The following DPYD variants were observed in gnomAD, a reference collection of about 807,000 sequenced individuals.
The protein encoded by DPYD is dihydropyrimidine dehydrogenase, also known as dihydropyrimidine dehydrogenase [NADP(+)].
DPYD carries 109 observed loss-of-function variants against 116.2 expected under a neutral mutation model. That is an observed-to-expected ratio of 0.94 (90% CI 0.80 to 1.10). DPYD has a LOEUF of 1.10. Ranked by LOEUF, DPYD falls within the 50% of genes least tolerant of loss-of-function variation. DPYD has a pLI of 0.00. For synonymous variants in DPYD, 440 were observed against 432.0 expected (o/e 1.02, Z -0.23); for missense variants, 1,302 against 1,254.5 (o/e 1.04, Z -0.57).
chr1:97,907,296 G>A (rs772247291), intron 1 of DPYD, among the ~76,000 whole-genome samples: 12 of 151,948 alleles, frequency 7.9e-5, no homozygotes, highest in Non-Finnish European at 1.6e-4. Context: ...TATCTACCTG[G>A]TTCTTTTCCA....
intron 4 of DPYD, among the ~76,000 whole-genome samples, chr1:97,735,440 G>C (rs1453205083): frequency 6.6e-6 from 1 of 151,220 alleles, no homozygotes; most frequent in Non-Finnish European, 1.5e-5. Context: ...ACTTTGGGAG[G>C]CCAAAGCAGG....
chr1:97,125,409 AT>A (rs1246609826), intron 20 of DPYD, among the ~76,000 whole-genome samples: 1 of 152,144 alleles, frequency 6.6e-6, no homozygotes, highest in Non-Finnish European at 1.5e-5. Context: ...CTCATTTGTT[AT>A]AGAAAATTAA....
At position 97,474,018 on chromosome 1, in the gene DPYD, A is replaced by C. The variant is rs1225390290; in HGVS notation, c.1741-23795T>G. Among the ~76,000 whole-genome samples, 901 of 147,770 alleles carry C rather than the reference A, an allele frequency of 6.1e-3. 7 individuals carry two copies. The highest frequency in any genetic ancestry group is 0.021 in the African/African-American group (866 of 40,472). On this transcript the variant is annotated intron_variant, in intron 13 of 22. Coordinates refer to ENST00000370192, the MANE Select transcript of DPYD (RefSeq NM_000110.4). ...GCAACAGAGTGAGAAACTGTCTTTA[A>C]AAAAAAAAAAAAAAGGAAAGAAAAT...
chr1:97,580,373 A>G (rs1653559165), intron 10 of DPYD, among the ~76,000 whole-genome samples: 1 of 152,240 alleles, frequency 6.6e-6, no homozygotes, highest in Non-Finnish European at 1.5e-5. Context: ...AGAAAATATT[A>G]TCTCATTTCA....
chr1:97,868,727 T>G (rs1008508674), intron 2 of DPYD, among the ~76,000 whole-genome samples: 6 of 151,844 alleles, frequency 4.0e-5, no homozygotes, highest in Non-Finnish European at 8.8e-5. Flanking sequence ...AGTTTGGGCA[T>G]GTGTCTCTGA....
chr1:97,823,551 G>T (rs1669074403), intron 3 of DPYD, among the ~76,000 whole-genome samples: 1 of 152,106 alleles, frequency 6.6e-6, no homozygotes, highest in African/African-American at 2.4e-5. Context: ...TCTATGAGAT[G>T]AACGTCTTTA....
At chr1:97,741,955 G>C (rs1231279236) in intron 3 of DPYD, among the ~76,000 whole-genome samples, 2 of 152,012 alleles carry the variant, frequency 1.3e-5, no homozygotes, top group South Asian at 2.1e-4. Context: ...CTGAGTGCAG[G>C]GTCACTCAGG....
chr1:97,602,142 A>G (rs1343058190), intron 8 of DPYD, among the ~76,000 whole-genome samples: 1 of 152,042 alleles, frequency 6.6e-6, no homozygotes, highest in East Asian at 1.9e-4. Context: ...ATTACTGAGT[A>G]TTATTATATC....
At chr1:97,640,297 CT>C (rs1003402091) in intron 8 of DPYD, among the ~76,000 whole-genome samples, 52 of 151,748 alleles carry the variant, frequency 3.4e-4, no homozygotes, top group African/African-American at 1.2e-3. Context: ...TTACAAATTT[CT>C]TTTATTTTCT....
chr1:97,104,634 T>C (rs1225027207), intron 20 of DPYD, among the ~76,000 whole-genome samples: 1 of 152,106 alleles, frequency 6.6e-6, no homozygotes, highest in East Asian at 1.9e-4. Context: ...GGATGGCAAG[T>C]GGTGCAGTGG....
intron 18 of DPYD, among the ~76,000 whole-genome samples, chr1:97,299,609 A>G (rs1400209558): frequency 6.6e-6 from 1 of 152,124 alleles, no homozygotes; most frequent in Non-Finnish European, 1.5e-5. Flanking sequence ...TCTGTCCATG[A>G]GCTGTAAGCA....
chr1:97,642,407 G>C (rs996864421), intron 8 of DPYD, among the ~76,000 whole-genome samples: 25 of 152,040 alleles, frequency 1.6e-4, no homozygotes, highest in Admixed American at 1.6e-3. Context: ...TAGACCAATG[G>C]AACAGAACAG....
At chr1:97,903,573 A>T (rs1162907580) in intron 1 of DPYD, among the ~76,000 whole-genome samples, 1 of 151,928 alleles carries the variant, frequency 6.6e-6, no homozygotes, top group East Asian at 1.9e-4. Flanking sequence ...AGTTAATTAT[A>T]TATTAACATA....
At chr1:97,144,388 A>G (rs1570543401) in intron 20 of DPYD, among the ~76,000 whole-genome samples, 1 of 152,212 alleles carries the variant, frequency 6.6e-6, no homozygotes, top group East Asian at 1.9e-4. Context: ...GGAAAGAACT[A>G]CAAGTTCTCT....
At chr1:97,602,084 G>T (rs1655282636) in intron 8 of DPYD, among the ~76,000 whole-genome samples, 1 of 151,892 alleles carries the variant, frequency 6.6e-6, no homozygotes, top group Non-Finnish European at 1.5e-5. Flanking sequence ...CATTACACAA[G>T]ATTCTTTTTG....
chr1:97,111,062 G>A (rs1296532199), intron 20 of DPYD, among the ~76,000 whole-genome samples: 1 of 151,934 alleles, frequency 6.6e-6, no homozygotes, highest in East Asian at 1.9e-4. Flanking sequence ...TCACTTCTAA[G>A]TGTCTCCTTT....
intron 1 of DPYD, among the ~76,000 whole-genome samples, chr1:97,909,196 C>T (rs1029834724): frequency 1.3e-5 from 2 of 152,086 alleles, no homozygotes; most frequent in African/African-American, 4.8e-5. Context: ...GCCTCATACT[C>T]TTATTGAGAA....
At chr1:97,278,823 T>C (rs1215642759) in intron 18 of DPYD, among the ~76,000 whole-genome samples, 1 of 152,220 alleles carries the variant, frequency 6.6e-6, no homozygotes, top group Non-Finnish European at 1.5e-5. Flanking sequence ...ACTATCAGTG[T>C]ATGAATTTTA....
chr1:97,355,289 T>C (rs1670370781), intron 16 of DPYD, among the ~76,000 whole-genome samples: 2 of 152,166 alleles, frequency 1.3e-5, no homozygotes, highest in Non-Finnish European at 1.5e-5. Flanking sequence ...TATTGTTGTA[T>C]ATATTTGAGT....
Sources: allele counts gnomAD v4.1 joint callset (sites outside exome capture counted in the v4.1 genomes callset), GRCh38; gene constraint gnomAD v4.1.1; transcripts MANE v1.5; gene names NCBI Gene and HGNC (gene_info 2026-07-23, HGNC 2026-07-21).